The following GRM8 variants were observed in gnomAD, a reference collection of about 807,000 sequenced individuals.
GRM8 encodes the protein glutamate metabotropic receptor 8, also known as metabotropic glutamate receptor 8.
Under a neutral mutation model 87.2 loss-of-function variants are expected in GRM8, and 47 were observed. That is an observed-to-expected ratio of 0.54 (90% CI 0.43 to 0.69). The LOEUF is 0.69. GRM8 is among the 30% of genes least tolerant of loss of function. GRM8 has a pLI of 0.00. For missense variants in GRM8, 1,019 were observed against 1,139.2 expected (o/e 0.89, Z 1.52); for synonymous variants, 396 against 404.5 (o/e 0.98, Z 0.25).
At chr7:127,004,453 C>T (rs552445750) in intron 3 of GRM8, among the ~76,000 whole-genome samples, 3 of 151,452 alleles carry the variant, frequency 2.0e-5, no homozygotes, top group South Asian at 4.2e-4. Flanking sequence ...GTAATATATA[C>T]AGAAGATAGA....
chr7:127,210,025 T>C (rs1796127386), intron 2 of GRM8, among the ~76,000 whole-genome samples: 1 of 152,036 alleles, frequency 6.6e-6, no homozygotes, highest in African/African-American at 2.4e-5. Context: ...GTGGGAGAAT[T>C]CCTAACCCTG....
chr7:126,512,671 C>G (rs1811567361), intron 9 of GRM8: 1 of 152,168 alleles, frequency 6.6e-6, no homozygotes, highest in African/African-American at 2.4e-5. Context: ...AGCACTCCTT[C>G]AAAAGCAAAA....
chr7:126,562,755 G>A (rs765930076), intron 8 of GRM8, among the ~76,000 whole-genome samples: 12 of 152,200 alleles, frequency 7.9e-5, no homozygotes, highest in African/African-American at 1.9e-4. Flanking sequence ...AAAGTTAGCC[G>A]GTGTGGTGGC....
chr7:126,985,430 C>T (rs1811959337), intron 3 of GRM8, among the ~76,000 whole-genome samples: 1 of 152,090 alleles, frequency 6.6e-6, no homozygotes, highest in Non-Finnish European at 1.5e-5. Flanking sequence ...ATGTTTTTCT[C>T]TTATGTATTT....
At chr7:127,036,227 A>G (rs1817828733) in intron 3 of GRM8, among the ~76,000 whole-genome samples, 1 of 152,180 alleles carries the variant, frequency 6.6e-6, no homozygotes, top group Admixed American at 6.5e-5. Flanking sequence ...AAACTGAGGT[A>G]TAGAGGAGCT....
At chr7:126,738,019 G>A (rs1311186695) in intron 7 of GRM8, among the ~76,000 whole-genome samples, 1 of 152,042 alleles carries the variant, frequency 6.6e-6, no homozygotes, top group East Asian at 1.9e-4. Flanking sequence ...GAAAAATAAA[G>A]AGTAAAAGGT....
intron 3 of GRM8, among the ~76,000 whole-genome samples, chr7:127,015,199 GAAGAAGAAGAA>G (rs1815483014): frequency 1.2e-5 from 1 of 86,400 alleles, no homozygotes; most frequent in Admixed American, 1.2e-4. Context: ...AGAAGAAGAA[GAAGAAGAAGAA>G]GAAGAAGAAG....
intron 7 of GRM8, among the ~76,000 whole-genome samples, chr7:126,671,264 T>C (rs548544609): frequency 6.6e-6 from 1 of 152,338 alleles, no homozygotes; most frequent in Admixed American, 6.5e-5. Context: ...CTCACGGGTA[T>C]TTGACAATAC....
intron 6 of GRM8, among the ~76,000 whole-genome samples, chr7:126,844,825 A>T (rs547823472): frequency 6.6e-6 from 1 of 152,190 alleles, no homozygotes; most frequent in East Asian, 1.9e-4. Flanking sequence ...CACCAATACC[A>T]TTGGATTAGG....
intron 3 of GRM8, among the ~76,000 whole-genome samples, chr7:127,080,091 C>A (rs888483304): frequency 2.0e-5 from 3 of 152,096 alleles, no homozygotes; most frequent in Admixed American, 6.5e-5. Context: ...GAATTTGAGA[C>A]AGGAAGATGA....
chr7:126,717,888 A>G (rs1811926652), intron 7 of GRM8, among the ~76,000 whole-genome samples: 1 of 152,300 alleles, frequency 6.6e-6, no homozygotes, highest in South Asian at 2.1e-4. Context: ...TAACTCTTTC[A>G]TAAGTACATA....
At chr7:126,911,559 G>T (rs965164407) in intron 3 of GRM8, among the ~76,000 whole-genome samples, 1 of 152,188 alleles carries the variant, frequency 6.6e-6, no homozygotes, top group Non-Finnish European at 1.5e-5. Context: ...TAAGAGGCTG[G>T]AATCTAATGT....
At chr7:126,821,223 T>C (rs915641297) in intron 6 of GRM8, among the ~76,000 whole-genome samples, 7 of 152,186 alleles carry the variant, frequency 4.6e-5, no homozygotes. Flanking sequence ...ATTTCACCCT[T>C]TGTTTCCTAT....
intron 3 of GRM8, among the ~76,000 whole-genome samples, chr7:126,944,316 T>TG (rs3840650): frequency 0.39 from 59,754 of 152,016 alleles, 12,037 homozygotes; most frequent in East Asian, 0.66. Flanking sequence ...GAGGTGGACC[T>TG]GGGCTGCATG....
At position 127,053,787 on chromosome 7, in the gene GRM8, CA is replaced by C. The variant is rs201005387; in HGVS notation, c.727+52708del. 3.3e-3 allele frequency among the ~76,000 whole-genome samples: 141 copies of C among 42,262 alleles called. 1 individual carries two copies. Among genetic ancestry groups the C allele is most frequent in the Admixed American group, 0.014 (61 of 4,302 alleles). 27.7% of individuals were successfully genotyped at this position (42,262 alleles called of 152,430 possible). On this transcript the variant is annotated intron_variant, in intron 3 of 10. Transcript: ENST00000339582. ...TGAGTGACAGAGCGAGACTCTGTCT[CA>C]AAAAAAAAAAGGGGGGGGGGAATAT... is the stretch of plus-strand genomic sequence containing the variant.
At chr7:126,845,139 GTC>G (rs759031300) in intron 6 of GRM8, among the ~76,000 whole-genome samples, 5 of 152,214 alleles carry the variant, frequency 3.3e-5, no homozygotes, top group Admixed American at 6.5e-5. Context: ...TGAATATTCA[GTC>G]TTCCATTAAC....
At chr7:127,086,959 G>A (rs531663965) in intron 3 of GRM8, among the ~76,000 whole-genome samples, 2 of 152,340 alleles carry the variant, frequency 1.3e-5, no homozygotes, top group African/African-American at 4.8e-5. Flanking sequence ...CACAGGGAGG[G>A]CTCGATGCCA....
At chr7:126,740,903 G>T (rs2151509556) in intron 7 of GRM8, among the ~76,000 whole-genome samples, 1 of 152,142 alleles carries the variant, frequency 6.6e-6, no homozygotes, top group African/African-American at 2.4e-5. Flanking sequence ...AACCACATAA[G>T]ATATTAACAA....
chr7:126,965,271 G>A (rs1246601376), intron 3 of GRM8, among the ~76,000 whole-genome samples: 1 of 151,864 alleles, frequency 6.6e-6, no homozygotes, highest in Admixed American at 6.6e-5. Flanking sequence ...TAACAAACCT[G>A]CACATTCTGC....
Sources: gnomAD v4.1 joint callset for allele counts (sites outside exome capture counted in the v4.1 genomes callset) on GRCh38, gnomAD v4.1.1 for gene constraint, MANE v1.5 for transcripts, NCBI Gene and HGNC (gene_info 2026-07-23, HGNC 2026-07-21) for gene names.